Variants in COTL1 observed in about 807,000 individuals in gnomAD.
COTL1 encodes coactosin-like protein.
A neutral mutation model predicts 16.5 loss-of-function variants in COTL1; 15 were observed. That is an observed-to-expected ratio of 0.91 (90% confidence interval 0.61 to 1.40). COTL1 has a LOEUF of 1.40. COTL1 is among the 40% of genes most tolerant of loss of function. COTL1 has a pLI of 0.00. For missense variants in COTL1, 220 were observed against 201.5 expected (o/e 1.09, Z -0.56); for synonymous variants, 112 against 85.3 (o/e 1.31, Z -1.73).
At chr16:84,588,887 T>C (rs1904795485) in intron 3 of COTL1, among the ~76,000 whole-genome samples, 1 of 152,214 alleles carries the variant, frequency 6.6e-6, no homozygotes, top group East Asian at 1.9e-4. Context: ...TGATAGTCAA[T>C]TTTAAAGCAT....
At chr16:84,572,432 G>A (rs746130852) in intron 3 of COTL1, among the ~76,000 whole-genome samples, 3 of 152,146 alleles carry the variant, frequency 2.0e-5, no homozygotes, top group Non-Finnish European at 4.4e-5. Flanking sequence ...GACTTCCAGG[G>A]CCTAGAGCAA....
chr16:84,589,542 C>T (rs1427195463), intron 3 of COTL1, among the ~76,000 whole-genome samples: 1 of 151,502 alleles, frequency 6.6e-6, no homozygotes. Flanking sequence ...GACCTCTCTC[C>T]CTCATCTACC....
intron 3 of COTL1, among the ~76,000 whole-genome samples, chr16:84,583,415 C>G (rs112354125): frequency 2.0e-5 from 3 of 152,074 alleles, no homozygotes; most frequent in Admixed American, 6.6e-5. Context: ...AAATCTGGTC[C>G]CAGAAATGAA....
chr16:84,573,992 A>AAAT (rs887119224), intron 3 of COTL1, among the ~76,000 whole-genome samples: 13 of 151,802 alleles, frequency 8.6e-5, no homozygotes, highest in East Asian at 3.9e-4. Flanking sequence ...CTTTCTCTAC[A>AAAT]AATAATAATA....
rs138017120 is a variant in COTL1 at position 84,566,499 on chromosome 16, G to A, written c.*346C>T. ...CAGATCTCACTAGGCAGACCTCGTCGCGTGGAAGAGAAATGCCAGGAAAAG... is the reference window on the plus strand; with the variant it reads ...CAGATCTCACTAGGCAGACCTCGTCACGTGGAAGAGAAATGCCAGGAAAAG... On this transcript the variant is annotated 3_prime_UTR_variant, in exon 4 of 4. Transcript: ENST00000262428. The A allele has an allele frequency of 3.8e-4, 76 of 202,194 alleles. 1 individual carries two copies. The East Asian group carries it at 9.4e-3, about 25-fold the overall frequency. 12.5% of individuals were successfully genotyped at this position (202,194 alleles called of 1,614,324 possible).
At chr16:84,617,636 C>T (rs1273190538) in intron 1 of COTL1, 53 bp from the exon 2 acceptor site, 6 of 1,517,202 alleles carry the variant, frequency 4.0e-6, no homozygotes, top group Non-Finnish European at 5.4e-6. Context: ...CTGGTGGCCG[C>T]GCGACGCGGC....
At chr16:84,611,793 G>A (rs917115953) in intron 2 of COTL1, among the ~76,000 whole-genome samples, 2 of 152,216 alleles carry the variant, frequency 1.3e-5, no homozygotes, top group African/African-American at 4.8e-5. Flanking sequence ...CAGAGAATAT[G>A]TATTATCTGA....
Position 84,566,727 on chromosome 16 carries a change from C to T in COTL1, c.*118G>A, listed in dbSNP as rs936205202. 58 of 671,016 alleles carry T rather than the reference C, an allele frequency of 8.6e-5. No individual in the cohort carries two copies. The highest frequency in any genetic ancestry group is 7.8e-6 in the Non-Finnish European group (3 of 382,224). 41.6% of individuals were successfully genotyped at this position (671,016 alleles called of 1,614,324 possible). A position where few individuals can be genotyped will look rare whatever the true frequency, so the allele number is the denominator to read the frequency against. On this transcript the variant is annotated 3_prime_UTR_variant, in exon 4 of 4. Coordinates refer to ENST00000262428, the MANE Select transcript of COTL1 (RefSeq NM_021149.5). Reference sequence around the variant, plus strand: ...GTGGACACAGGGTGGCGGGCGCTGCCTCTCATGGCTTCTTTTCTCCCTGGT... The same window carrying T: ...GTGGACACAGGGTGGCGGGCGCTGCTTCTCATGGCTTCTTTTCTCCCTGGT...
intron 2 of COTL1, among the ~76,000 whole-genome samples, chr16:84,609,905 T>A (rs1905285881): frequency 6.6e-6 from 1 of 152,188 alleles, no homozygotes; most frequent in Non-Finnish European, 1.5e-5. Context: ...AAACCTCTTT[T>A]CTTTATAAAT....
chr16:84,612,369 G>A (rs567155448), intron 2 of COTL1, among the ~76,000 whole-genome samples: 1 of 152,268 alleles, frequency 6.6e-6, no homozygotes, highest in East Asian at 1.9e-4. Context: ...GTCCACATGG[G>A]GCCAAATGCC....
chr16:84,592,651 C>T lies in COTL1; in HGVS notation c.161-2389G>A, dbSNP rs141960593. 3.0e-4 allele frequency among the ~76,000 whole-genome samples: 46 copies of T among 152,180 alleles called. 1 individual carries two copies. In the East Asian group the frequency reaches 8.1e-3, roughly 27 times the overall value. On this transcript the variant is annotated intron_variant, in intron 2 of 3. Coordinates refer to ENST00000262428, the MANE Select transcript of COTL1 (RefSeq NM_021149.5). ...TTTCTTCCTAGAATCTAAGTACGTCCCTGCAGAGTCCCGCACGAAGCATGT... is the reference window on the plus strand; with the variant it reads ...TTTCTTCCTAGAATCTAAGTACGTCTCTGCAGAGTCCCGCACGAAGCATGT...
Position 84,590,136 on chromosome 16 carries a change from G to A in COTL1, c.287C>T (p.Thr96Met), listed in dbSNP as rs749367597. 23 of 1,613,852 alleles carry A rather than the reference G, an allele frequency of 1.4e-5. No individual in the cohort carries two copies. Among genetic ancestry groups the A allele is most frequent in the South Asian group, 3.3e-5 (3 of 91,052 alleles). ...GACCTCCTTCACCAGGGTCTTGTCC[G>A]TCCCGGTTTTGGCGCGCTGCAGCCC... ...VSGLQRAKTG[T>M]DKTLVKEVVQ... is the part of the protein sequence containing the mutation. Residue 96 changes from threonine (T) to methionine (M), a missense_variant, in exon 3 of 4, where the codon ACG (threonine) becomes ATG (methionine). Transcript: ENST00000262428. The surrounding 1 kb of genome is among the most constrained non-coding windows in gnomAD (Gnocchi z 5.5).
chr16:84,573,766 CAT>C (rs5818496), intron 3 of COTL1, among the ~76,000 whole-genome samples: 3 of 61,470 alleles, frequency 4.9e-5, no homozygotes, highest in African/African-American at 1.0e-4. Context: ...TATATATATA[CAT>C]ACACACACAC....
chr16:84,617,978 G>T lies in COTL1; in HGVS notation c.-64C>A. On this transcript the variant is annotated 5_prime_UTR_variant, in exon 1 of 4. Coordinates refer to ENST00000262428, the MANE Select transcript of COTL1 (RefSeq NM_021149.5). ...GAGCGCGCCCCTGGCCGGCGGCGGG[G>T]ATGGGAGCGCGGCGGGTACGCGCCG... 8.0e-7 allele frequency: 1 copy of T among 1,247,284 alleles called. No homozygotes were observed. 77.3% of individuals were successfully genotyped at this position (1,247,284 alleles called of 1,614,324 possible).
rs563946467 is a variant in COTL1, at chr16:84,577,197, T to G, written c.319-10242A>C. 3.3e-5 allele frequency: 5 copies of G among 152,158 alleles called. No individual in the cohort carries two copies. In the East Asian group the frequency reaches 9.7e-4, roughly 29 times the overall value. 9.4% of individuals were successfully genotyped at this position (152,158 alleles called of 1,614,324 possible). A position where few individuals can be genotyped will look rare whatever the true frequency, so the allele number is the denominator to read the frequency against. On this transcript the variant is annotated intron_variant, in intron 3 of 3. Transcript: ENST00000262428. ...GGTTTTAAAAACTCTACCAGCAAGG[T>G]ATAATTTACTCAAAAGGAATGGGTT...
intron 3 of COTL1, among the ~76,000 whole-genome samples, chr16:84,586,776 G>A (rs975628563): frequency 6.6e-6 from 1 of 151,986 alleles, no homozygotes; most frequent in African/African-American, 2.4e-5. Context: ...TAGTAGAGAC[G>A]GGGTTTGTGT....
chr16:84,592,737 C>G (rs1369522173), intron 2 of COTL1, among the ~76,000 whole-genome samples: 3 of 152,156 alleles, frequency 2.0e-5, no homozygotes, highest in Non-Finnish European at 4.4e-5. Flanking sequence ...TGGCCTGCAG[C>G]TGACAAGCTC....
chr16:84,605,581 A>C (rs1245133371), intron 2 of COTL1, among the ~76,000 whole-genome samples: 1 of 152,234 alleles, frequency 6.6e-6, no homozygotes, highest in Non-Finnish European at 1.5e-5. Flanking sequence ...AGGGTGGGGA[A>C]GAGGGCCAGA....
chr16:84,574,797 T>G (rs1904415073), intron 3 of COTL1, among the ~76,000 whole-genome samples: 1 of 152,084 alleles, frequency 6.6e-6, no homozygotes, highest in Non-Finnish European at 1.5e-5. Context: ...TTGGCCAGGC[T>G]GGTCATGAAT....
Sources: allele counts gnomAD v4.1 joint callset (sites outside exome capture counted in the v4.1 genomes callset), GRCh38; gene constraint gnomAD v4.1.1; non-coding constraint Gnocchi (gnomAD v3.1); transcripts MANE v1.5; gene names NCBI Gene and HGNC (gene_info 2026-07-23, HGNC 2026-07-21).